NUMB: variants seen among roughly 807,000 people sequenced by gnomAD.
The protein encoded by NUMB is NUMB endocytic adaptor protein.
NUMB carries 29 observed loss-of-function variants against 59.7 expected under a neutral mutation model. The observed-to-expected ratio is 0.49, with a 90% CI of 0.36 to 0.66. The LOEUF (loss-of-function observed/expected upper bound fraction) is 0.66, where lower values mean the gene tolerates loss of function less well. Ranked by LOEUF, NUMB falls within the 30% of genes least tolerant of loss-of-function variation. The probability of loss-of-function intolerance (pLI) is 0.00; values close to 1 mark genes in which losing one functional copy is unlikely to be tolerated. For missense variants in NUMB, 723 were observed against 822.0 expected (o/e 0.88, Z 1.47); for synonymous variants, 288 against 288.2 (o/e 1.00, Z 0.01).
chr14:73,283,328 G>A (rs1594858509), intron 10 of NUMB, among the ~76,000 whole-genome samples: 2 of 152,258 alleles, frequency 1.3e-5, no homozygotes, highest in African/African-American at 4.8e-5. Flanking sequence ...TTAACTCTCT[G>A]TACTTTTATA....
intron 6 of NUMB, chr14:73,298,775 G>A (rs1383795919): frequency 6.6e-6 from 1 of 152,160 alleles, no homozygotes; most frequent in Non-Finnish European, 1.5e-5. Context: ...TGGCCTTACT[G>A]AAATAACCTG....
At chr14:73,419,617 G>C (rs1026969442) in intron 1 of NUMB, among the ~76,000 whole-genome samples, 46 of 152,108 alleles carry the variant, frequency 3.0e-4, no homozygotes, top group Non-Finnish European at 1.5e-4. Flanking sequence ...ATTGAAATTT[G>C]AGCCTTAATG....
rs1894692062 is a variant in NUMB at position 73,371,937 on chromosome 14, A to G, written c.-100-4956T>C. ...GTTACAGCAGCACAAATGGGTTAAG[A>G]AAGAGGAGAAGTGACCAGGCTCAGT... is the stretch of plus-strand genomic sequence containing the variant. On this transcript the variant is annotated intron_variant, in intron 2 of 12. Transcript: ENST00000555238. Among the ~76,000 whole-genome samples, 4 of 151,724 alleles carry G rather than the reference A, an allele frequency of 2.6e-5. No individual in the cohort carries two copies. In the South Asian group the frequency reaches 8.3e-4, roughly 31 times the overall value.
chr14:73,313,668 G>GGAAAAAAAAAAAAAAAAA, intron 6 of NUMB, among the ~76,000 whole-genome samples: 1 of 124,106 alleles, frequency 8.1e-6, no homozygotes, highest in South Asian at 2.8e-4. Context: ...TCCAAAATCT[G>GGAAAAAAAAAAAAAAAAA]AAAAAAAAAA....
chr14:73,336,498 A>T (rs947440954), intron 4 of NUMB, among the ~76,000 whole-genome samples: 4 of 152,206 alleles, frequency 2.6e-5, no homozygotes, highest in Non-Finnish European at 5.9e-5. Context: ...ACAAAGGAAC[A>T]TGTTAAACAA....
chr14:73,296,216 G>A (rs1889758957), intron 7 of NUMB, among the ~76,000 whole-genome samples: 1 of 152,194 alleles, frequency 6.6e-6, no homozygotes, highest in African/African-American at 2.4e-5. Flanking sequence ...GCCAAGGCGG[G>A]TGGATCACTT....
chr14:73,384,297 G>A (rs1047948123), intron 2 of NUMB, among the ~76,000 whole-genome samples: 3 of 151,836 alleles, frequency 2.0e-5, no homozygotes, highest in Non-Finnish European at 4.4e-5. Flanking sequence ...CACTGTGTTA[G>A]CCAGGATGGT....
At chr14:73,415,463 C>T (rs76333954) in intron 1 of NUMB, among the ~76,000 whole-genome samples, 252 of 151,990 alleles carry the variant, frequency 1.7e-3, no homozygotes, top group African/African-American at 5.6e-3. Flanking sequence ...CATACCAGCA[C>T]GATAAACTAT....
At chr14:73,277,336 A>C in intron 12 of NUMB, 43 bp from the exon 13 acceptor site, 2 of 1,403,900 alleles carry the variant, frequency 1.4e-6, no homozygotes, top group Non-Finnish European at 2.0e-6. Context: ...AGTTAGGGGC[A>C]TCTTTCCTCA....
intron 3 of NUMB, among the ~76,000 whole-genome samples, chr14:73,366,104 A>G (rs1894330604): frequency 6.6e-6 from 1 of 152,254 alleles, no homozygotes; most frequent in Admixed American, 6.5e-5. Flanking sequence ...TATTCTAAAT[A>G]CAAATTGCAT....
chr14:73,388,014 G>A (rs1895643545), intron 2 of NUMB, among the ~76,000 whole-genome samples: 1 of 151,110 alleles, frequency 6.6e-6, no homozygotes, highest in Non-Finnish European at 1.5e-5. Flanking sequence ...AGCTACTAGA[G>A]GAGGATGACT....
intron 7 of NUMB, 56 bp downstream of exon 7, chr14:73,297,155 G>T: frequency 8.2e-7 from 1 of 1,213,508 alleles, no homozygotes; most frequent in Non-Finnish European, 1.2e-6. Flanking sequence ...TGACAAGAGT[G>T]AAACTCCATC....
rs1219166236 is a variant in NUMB, at chr14:73,284,277, G to A, written c.753C>T (p.Thr251=). 16 of 1,614,098 alleles carry A rather than the reference G, an allele frequency of 9.9e-6. No homozygotes were observed. The highest frequency in any genetic ancestry group is 1.1e-5 in the Non-Finnish European group (13 of 1,180,042). Residue 251 remains threonine (T), a synonymous_variant, in exon 10 of 13, where the codon ACC becomes ACT. Coordinates refer to ENST00000555238, the MANE Select transcript of NUMB (RefSeq NM_001005743.2). ...SPTSPTSDAT[T]SLEMNNPHAI... Reference sequence around the variant, plus strand: ...CATGAGGATTGTTCATCTCCAGAGAGGTCGTGGCATCAGAAGTAGGAGAGG... The same window carrying A: ...CATGAGGATTGTTCATCTCCAGAGAAGTCGTGGCATCAGAAGTAGGAGAGG...
intron 7 of NUMB, among the ~76,000 whole-genome samples, chr14:73,293,585 G>A (rs922891112): frequency 6.6e-6 from 1 of 152,010 alleles, no homozygotes; most frequent in Non-Finnish European, 1.5e-5. Flanking sequence ...GTAGAGACAG[G>A]TTTCACTGTG....
chr14:73,422,135 C>T (rs1400185536), intron 1 of NUMB, among the ~76,000 whole-genome samples: 1 of 99,822 alleles, frequency 1.0e-5, no homozygotes, highest in Non-Finnish European at 1.9e-5. Flanking sequence ...CAGAGCGAGA[C>T]TTCGTCAAAA....
chr14:73,368,584 C>T (rs1396036765), intron 2 of NUMB, among the ~76,000 whole-genome samples: 3 of 134,506 alleles, frequency 2.2e-5, no homozygotes, highest in Admixed American at 1.5e-4. Context: ...ACTCCGTCTC[C>T]AAAAAAAAAC....
intron 4 of NUMB, among the ~76,000 whole-genome samples, chr14:73,327,159 G>A (rs1014232199): frequency 1.3e-4 from 20 of 152,106 alleles, no homozygotes; most frequent in Admixed American, 2.6e-4. Context: ...AATTACAAGT[G>A]AGCCTCTCTG....
Position 73,355,597 on chromosome 14 carries a change from T to C in NUMB, c.126+29A>G, listed in dbSNP as rs183667111. 3.7e-3 allele frequency: 5,851 copies of C among 1,594,570 alleles called. 12 individuals are homozygous for C. The highest frequency in any genetic ancestry group is 4.7e-3 in the Non-Finnish European group (5,472 of 1,173,102). On this transcript the variant is annotated intron_variant, in intron 4 of 12. Coordinates refer to ENST00000555238, the MANE Select transcript of NUMB (RefSeq NM_001005743.2). ...ACTAGATTGTCAGTTCTTTTCCACATACAGACTTATAGAAACATCAGCTCT... is the reference window on the plus strand; with the variant it reads ...ACTAGATTGTCAGTTCTTTTCCACACACAGACTTATAGAAACATCAGCTCT...
At chr14:73,336,637 TG>T (rs144649096) in intron 4 of NUMB, among the ~76,000 whole-genome samples, 23,781 of 152,120 alleles carry the variant, frequency 0.16, 2,684 homozygotes, top group Non-Finnish European at 0.23. Context: ...GGCCTAGGAA[TG>T]GAAGTAAATC....
Sources: gnomAD v4.1 joint callset for allele counts (sites outside exome capture counted in the v4.1 genomes callset) on GRCh38, gnomAD v4.1.1 for gene constraint, MANE v1.5 for transcripts, NCBI Gene and HGNC (gene_info 2026-07-23, HGNC 2026-07-21) for gene names.